The following PTPRD variants were observed in gnomAD, a reference collection of about 807,000 sequenced individuals.
PTPRD encodes protein tyrosine phosphatase receptor type D.
PTPRD carries 34 observed loss-of-function variants against 214.5 expected under a neutral mutation model. The observed-to-expected ratio is 0.16, with a 90% CI of 0.12 to 0.21. The LOEUF (loss-of-function observed/expected upper bound fraction) is 0.21. PTPRD is among the 10% of genes least tolerant of loss of function. The probability of loss-of-function intolerance (pLI) is 1.00; values close to 1 mark genes in which losing one functional copy is unlikely to be tolerated. For missense variants in PTPRD, 2,545 were observed against 2,398.7 expected (o/e 1.06, Z -1.27); for synonymous variants, 1,128 against 845.7 (o/e 1.33, Z -5.79).
chr9:10,155,815 GC>G (rs1482251379), intron 3 of PTPRD, among the ~76,000 whole-genome samples: 1 of 152,056 alleles, frequency 6.6e-6, no homozygotes, highest in African/African-American at 2.4e-5. Flanking sequence ...TGGTGGATAA[GC>G]TTTTTTAATG....
intron 3 of PTPRD, among the ~76,000 whole-genome samples, chr9:10,044,122 A>G (rs1051881947): frequency 9.9e-5 from 15 of 151,746 alleles, no homozygotes; most frequent in Admixed American, 1.3e-4. Context: ...CTGGCCATCT[A>G]CTGTTGAAGA....
intron 12 of PTPRD, among the ~76,000 whole-genome samples, chr9:8,658,692 G>A (rs1185172705): frequency 6.8e-6 from 1 of 147,640 alleles, no homozygotes; most frequent in Non-Finnish European, 1.5e-5. Context: ...AAAAAAAGGT[G>A]AAGACAAGTC....
At chr9:9,815,898 G>A (rs1198427859) in intron 5 of PTPRD, among the ~76,000 whole-genome samples, 1 of 152,116 alleles carries the variant, frequency 6.6e-6, no homozygotes, top group African/African-American at 2.4e-5. Context: ...CTAAGTCCAA[G>A]ATACTAAGTG....
At chr9:8,807,123 G>C (rs1043363962) in intron 11 of PTPRD, among the ~76,000 whole-genome samples, 3 of 152,160 alleles carry the variant, frequency 2.0e-5, no homozygotes, top group African/African-American at 7.2e-5. Flanking sequence ...GATTGCCTGA[G>C]CTCAGGAGTT....
intron 14 of PTPRD, among the ~76,000 whole-genome samples, chr9:8,581,075 T>C (rs951627363): frequency 6.6e-6 from 1 of 152,182 alleles, no homozygotes; most frequent in African/African-American, 2.4e-5. Flanking sequence ...ATTAATTGGT[T>C]TGGTACTGGG....
intron 2 of PTPRD, among the ~76,000 whole-genome samples, chr9:10,424,253 CA>C (rs530426378): frequency 4.7e-5 from 7 of 150,288 alleles, no homozygotes; most frequent in African/African-American, 1.7e-4. Flanking sequence ...AAGCATTGGC[CA>C]AAAAAAGAAC....
intron 14 of PTPRD, among the ~76,000 whole-genome samples, chr9:8,610,879 C>G (rs1411945701): frequency 6.6e-6 from 1 of 152,168 alleles, no homozygotes; most frequent in African/African-American, 2.4e-5. Context: ...CAACAAGCCC[C>G]AGAAAAATAA....
chr9:9,427,516 C>T (rs1489162367), intron 8 of PTPRD, among the ~76,000 whole-genome samples: 1 of 145,370 alleles, frequency 6.9e-6, no homozygotes, highest in African/African-American at 2.6e-5. Flanking sequence ...AGAACTTACC[C>T]AACCTAGCAA....
At chr9:9,315,686 T>G (rs118006927) in intron 9 of PTPRD, among the ~76,000 whole-genome samples, 4,459 of 151,830 alleles carry the variant, frequency 0.029, 92 homozygotes, top group Middle Eastern at 0.048. Context: ...TTTGCTACTG[T>G]AGAATATTCC....
At chr9:9,397,568 A>G (rs1047842570) in intron 8 of PTPRD, 86 bp from the exon 9 acceptor site, 1 of 152,414 alleles carries the variant, frequency 6.6e-6, no homozygotes, top group Non-Finnish European at 1.5e-5. Context: ...TGTTATGGAC[A>G]TATCTATAGA....
intron 9 of PTPRD, among the ~76,000 whole-genome samples, chr9:9,372,026 C>T (rs2059647306): frequency 2.0e-5 from 3 of 152,188 alleles, no homozygotes; most frequent in African/African-American, 7.2e-5. Flanking sequence ...GATTGCTTTG[C>T]TTCCAACTAT....
chr9:9,142,987 G>A (rs1162583858), intron 10 of PTPRD, among the ~76,000 whole-genome samples: 1 of 152,056 alleles, frequency 6.6e-6, no homozygotes, highest in Non-Finnish European at 1.5e-5. Context: ...CTCAGAGGAA[G>A]GCCAGAGCTC....
chr9:9,561,583 G>C (rs1722336840), intron 8 of PTPRD, among the ~76,000 whole-genome samples: 1 of 152,128 alleles, frequency 6.6e-6, no homozygotes, highest in South Asian at 2.1e-4. Flanking sequence ...AAAAAGAATA[G>C]CCTCTCTCTA....
chr9:8,413,801 T>G (rs565043334), intron 35 of PTPRD, among the ~76,000 whole-genome samples: 1 of 152,270 alleles, frequency 6.6e-6, no homozygotes, highest in East Asian at 1.9e-4. Context: ...ATCTAGAATT[T>G]TAGAGTTTAG....
intron 3 of PTPRD, among the ~76,000 whole-genome samples, chr9:10,317,722 A>C (rs889645217): frequency 6.6e-6 from 1 of 152,042 alleles, no homozygotes; most frequent in African/African-American, 2.4e-5. Flanking sequence ...AGATTTTTTA[A>C]AGCAAACACA....
chr9:10,371,109 G>C (rs2097604812), intron 2 of PTPRD, among the ~76,000 whole-genome samples: 1 of 151,794 alleles, frequency 6.6e-6, no homozygotes, highest in South Asian at 2.1e-4. Context: ...AACACTTTCA[G>C]CTTTTTTCTA....
chr9:10,487,060 A>G (rs1248834193), intron 2 of PTPRD, among the ~76,000 whole-genome samples: 2 of 151,820 alleles, frequency 1.3e-5, no homozygotes. Context: ...ATATACTGGC[A>G]CTCTTTTTCT....
At chr9:8,782,669 C>A (rs545462076) in intron 11 of PTPRD, among the ~76,000 whole-genome samples, 1 of 149,644 alleles carries the variant, frequency 6.7e-6, no homozygotes, top group Non-Finnish European at 1.5e-5. Flanking sequence ...ACAATCTCGG[C>A]TCACTGCAAC....
chr9:9,960,606 G>A (rs1016917034), intron 4 of PTPRD, among the ~76,000 whole-genome samples: 1 of 151,994 alleles, frequency 6.6e-6, no homozygotes, highest in Non-Finnish European at 1.5e-5. Flanking sequence ...TGACCTCTGT[G>A]GTATTTCCTC....
Sources: allele counts gnomAD v4.1 joint callset (sites outside exome capture counted in the v4.1 genomes callset), GRCh38; gene constraint gnomAD v4.1.1; transcripts MANE v1.5; gene names NCBI Gene and HGNC (gene_info 2026-07-23, HGNC 2026-07-21).